MAP4K5: variants seen among roughly 807,000 people sequenced by gnomAD.
MAP4K5 encodes the protein mitogen-activated protein kinase kinase kinase kinase 5, also known as MAPK/ERK kinase kinase kinase 5.
MAP4K5 carries 82 observed loss-of-function variants against 135.6 expected under a neutral mutation model. That is an observed-to-expected ratio of 0.60 (90% CI 0.51 to 0.73). The LOEUF is 0.73. Ranked by LOEUF, MAP4K5 falls within the 30% of genes least tolerant of loss-of-function variation. MAP4K5 has a pLI of 0.00. For missense variants in MAP4K5, 907 were observed against 1,010.9 expected (o/e 0.90, Z 1.39); for synonymous variants, 347 against 335.0 (o/e 1.04, Z -0.39).
At chr14:50,440,101 T>C in intron 22 of MAP4K5, 28 bp from the exon 23 acceptor site, 1 of 1,261,456 alleles carries the variant, frequency 7.9e-7, no homozygotes, top group Non-Finnish European at 1.1e-6. Flanking sequence ...ATTAAGATTC[T>C]CTCATTGTCA....
In MAP4K5 at chr14:50,443,990, T is replaced by A. The variant is rs2036286269; in HGVS notation, c.1386A>T (p.Gly462=). 1.9e-6 allele frequency: 3 copies of A among 1,608,732 alleles called. No homozygotes were observed. Among genetic ancestry groups the A allele is most frequent in the Non-Finnish European group, 2.5e-6 (3 of 1,177,190 alleles). ...GTGGTAACTGTGGTGCTTGTGCTGA[T>A]CCTTCTGTATTTTCACTCATCAGTT... ...ISKLMSENTE[G]SAQAPQLPRK... is the part of the protein sequence containing the mutation. Residue 462 remains glycine, a synonymous_variant, in exon 19 of 33, where the codon GGA becomes GGT. Coordinates refer to ENST00000682126, the MANE Select transcript of MAP4K5 (RefSeq NM_006575.6).
chr14:50,437,807 A>G lies in MAP4K5; in HGVS notation c.1823+87T>C, dbSNP rs1272841407. On this transcript the variant is annotated intron_variant, in intron 25 of 32. Transcript: ENST00000682126. ...AAACTACCTTTGAAAATTAAGACAT[A>G]GTTTTTTACTGGGCAAGAAATACGG... is the stretch of plus-strand genomic sequence containing the variant. The G allele has an allele frequency of 3.4e-6, 3 of 885,858 alleles. No individual in the cohort carries two copies. The African/African-American group carries it at 5.1e-5, about 15-fold the overall frequency. The allele number at this position is 885,858 out of a possible 1,614,324, so 54.9% of individuals were successfully genotyped here. A position where few individuals can be genotyped will look rare whatever the true frequency, so the allele number is the denominator to read the frequency against.
At chr14:50,553,336 C>A (rs956762421) in intron 1 of MAP4K5, among the ~76,000 whole-genome samples, 1 of 151,072 alleles carries the variant, frequency 6.6e-6, no homozygotes, top group African/African-American at 2.4e-5. Context: ...ATACAGACAG[C>A]CAACAAACAT....
chr14:50,539,934 G>A (rs1215342735), intron 2 of MAP4K5, among the ~76,000 whole-genome samples: 1 of 152,100 alleles, frequency 6.6e-6, no homozygotes, highest in Non-Finnish European at 1.5e-5. Context: ...GATTTGCTCT[G>A]TTATAGTCAT....
chr14:50,495,956 G>C (rs1167434220), intron 3 of MAP4K5, among the ~76,000 whole-genome samples: 1 of 152,108 alleles, frequency 6.6e-6, no homozygotes, highest in East Asian at 1.9e-4. Flanking sequence ...TTTTAGTTTT[G>C]CAAGATGAAA....
At chr14:50,529,792 G>C (rs1263765715) in intron 2 of MAP4K5, among the ~76,000 whole-genome samples, 1 of 152,150 alleles carries the variant, frequency 6.6e-6, no homozygotes, top group African/African-American at 2.4e-5. Flanking sequence ...AGAGGAAATA[G>C]CAAGAACAAG....
At chr14:50,480,662 A>C (rs1462043186) in intron 6 of MAP4K5, among the ~76,000 whole-genome samples, 1 of 152,160 alleles carries the variant, frequency 6.6e-6, no homozygotes, top group East Asian at 1.9e-4. Flanking sequence ...TCACATAACA[A>C]TAGGGATGCA....
At chr14:50,446,199 T>A in intron 16 of MAP4K5, 78 bp from the exon 17 acceptor site, 2 of 844,440 alleles carry the variant, frequency 2.4e-6, no homozygotes, top group Non-Finnish European at 3.7e-6. Flanking sequence ...AAATATGTAT[T>A]AAAATCAGTT....
chr14:50,560,374 G>T, intron 1 of MAP4K5: 1 of 1,568,240 alleles, frequency 6.4e-7, no homozygotes. Flanking sequence ...TGTGGAGACA[G>T]GGAGGGCCAA....
chr14:50,500,943 G>C (rs991924051), intron 3 of MAP4K5, among the ~76,000 whole-genome samples: 43 of 152,262 alleles, frequency 2.8e-4, no homozygotes, highest in African/African-American at 9.9e-4. Context: ...AAATCTTTTT[G>C]ATAATATGAC....
chr14:50,499,152 A>C (rs904122618), intron 3 of MAP4K5, among the ~76,000 whole-genome samples: 1 of 152,166 alleles, frequency 6.6e-6, no homozygotes, highest in African/African-American at 2.4e-5. Flanking sequence ...CAAATACAGG[A>C]TGCTGAAGAT....
chr14:50,536,065 G>A (rs1432407765), upstream of MAP4K5, among the ~76,000 whole-genome samples: 1 of 152,216 alleles, frequency 6.6e-6, no homozygotes, highest in Non-Finnish European at 1.5e-5. Flanking sequence ...CAGCCACATG[G>A]AACTGTAAGT....
chr14:50,516,477 G>A (rs1481783731), intron 2 of MAP4K5, among the ~76,000 whole-genome samples: 2 of 152,208 alleles, frequency 1.3e-5, no homozygotes, highest in Non-Finnish European at 2.9e-5. Flanking sequence ...GCAGGTGGAT[G>A]AGATTACTTA....
intron 2 of MAP4K5, among the ~76,000 whole-genome samples, chr14:50,539,214 A>G (rs572188812): frequency 1.8e-4 from 28 of 152,366 alleles, no homozygotes; most frequent in South Asian, 6.2e-4. Context: ...CAATTACTCA[A>G]ACTATCAGCA....
chr14:50,454,369 G>A (rs1017482064), intron 14 of MAP4K5, among the ~76,000 whole-genome samples: 1 of 152,146 alleles, frequency 6.6e-6, no homozygotes, highest in African/African-American at 2.4e-5. Flanking sequence ...CTGGGTGGTA[G>A]TTATATGAGT....
chr14:50,451,942 C>G (rs989861586), intron 14 of MAP4K5, among the ~76,000 whole-genome samples: 1 of 152,102 alleles, frequency 6.6e-6, no homozygotes, highest in Non-Finnish European at 1.5e-5. Context: ...AGTTTTCTGA[C>G]TTTCTCGTGG....
intron 2 of MAP4K5, among the ~76,000 whole-genome samples, chr14:50,517,320 T>A (rs923587012): frequency 6.7e-4 from 102 of 151,802 alleles, no homozygotes; most frequent in African/African-American, 2.2e-3. Context: ...CCCAGCTAAT[T>A]TTTGTATTTT....
At chr14:50,435,356 C>T (rs1037789037) in intron 26 of MAP4K5, among the ~76,000 whole-genome samples, 1 of 152,030 alleles carries the variant, frequency 6.6e-6, no homozygotes, top group Non-Finnish European at 1.5e-5. Flanking sequence ...TCCTCACTCC[C>T]TCCCGTCCTC....
intron 3 of MAP4K5, among the ~76,000 whole-genome samples, chr14:50,495,429 G>C (rs1272255720): frequency 1.3e-5 from 2 of 152,230 alleles, no homozygotes; most frequent in Admixed American, 6.5e-5. Flanking sequence ...AAACTGGTTA[G>C]AGGTGATGTG....
Sources: gnomAD v4.1 joint callset for allele counts (sites outside exome capture counted in the v4.1 genomes callset) on GRCh38, gnomAD v4.1.1 for gene constraint, MANE v1.5 for transcripts, NCBI Gene and HGNC (gene_info 2026-07-23, HGNC 2026-07-21) for gene names.